BAIAP2: variants seen among roughly 807,000 people sequenced by gnomAD.
The protein encoded by BAIAP2 is BAR/IMD domain-containing adapter protein 2.
Under a neutral mutation model 63.0 loss-of-function variants are expected in BAIAP2, and 18 were observed. The observed-to-expected ratio is 0.29, with a 90% CI of 0.20 to 0.42. The LOEUF is 0.42. BAIAP2 is among the 10% of genes least tolerant of loss of function. The probability of loss-of-function intolerance (pLI) is 1.00; values close to 1 mark genes in which losing one functional copy is unlikely to be tolerated. For synonymous variants in BAIAP2, 386 were observed against 307.6 expected (o/e 1.25, Z -2.67); for missense variants, 610 against 734.3 (o/e 0.83, Z 1.96).
chr17:81,057,860 C>T lies in BAIAP2; in HGVS notation c.131-21C>T, dbSNP rs2049851897. 1.9e-6 allele frequency: 3 copies of T among 1,604,818 alleles called. No individual in the cohort carries two copies. The South Asian group carries it at 3.3e-5, about 18-fold the overall frequency. On this transcript the variant is annotated intron_variant, in intron 2 of 13. Coordinates refer to ENST00000428708, the MANE Select transcript of BAIAP2 (RefSeq NM_001144888.2). ...CTGTCCCTCGTGGAGGAAATAACTG[C>T]TCCCTTTTCTTCTCTCTCAGGTGTG...
rs2058926341 is a variant in BAIAP2, at chr17:81,104,811, G to A, written c.1268+96G>A. 4 of 1,325,820 alleles carry A rather than the reference G, an allele frequency of 3.0e-6. No homozygotes were observed. In the African/African-American group the frequency reaches 5.9e-5, roughly 19 times the overall value. 82.1% of individuals were successfully genotyped at this position (1,325,820 alleles called of 1,614,324 possible). ...AGTGCACTGAGACCTTGTGTTTAGAGTGGCTGTGCAGGTTGCGGGTCCTCG... is the reference window on the plus strand; with the variant it reads ...AGTGCACTGAGACCTTGTGTTTAGAATGGCTGTGCAGGTTGCGGGTCCTCG... On this transcript the variant is annotated intron_variant, in intron 10 of 13. Transcript: ENST00000428708.
intron 7 of BAIAP2, 56 bp downstream of exon 7, chr17:81,100,136 C>A: frequency 1.9e-6 from 3 of 1,553,796 alleles, no homozygotes; most frequent in Non-Finnish European, 2.6e-6. Flanking sequence ...GCAGAAATGA[C>A]CCAGGCCCCT....
Position 81,108,461 on chromosome 17 carries a change from G to A in BAIAP2, c.1501-14G>A. On this transcript the variant is annotated splice_polypyrimidine_tract_variant and intron_variant, in intron 12 of 13. Coordinates refer to ENST00000428708, the MANE Select transcript of BAIAP2 (RefSeq NM_001144888.2). Reference sequence around the variant, plus strand: ...CCGTCACCCGGCCTGACATGTTTCTGCCTCTGCCCCCAGGGCCTGGATGAC... The same window carrying A: ...CCGTCACCCGGCCTGACATGTTTCTACCTCTGCCCCCAGGGCCTGGATGAC... 9.3e-6 allele frequency: 15 copies of A among 1,613,712 alleles called. No individual in the cohort carries two copies. Among genetic ancestry groups the A allele is most frequent in the Non-Finnish European group, 1.2e-5 (14 of 1,179,996 alleles).
At chr17:81,108,884 G>T in intron 13 of BAIAP2, 2 of 1,500,022 alleles carry the variant, frequency 1.3e-6, no homozygotes, top group Non-Finnish European at 8.9e-7. Context: ...GCTGAAAGGG[G>T]CATTGCTCGG....
intron 7 of BAIAP2, among the ~76,000 whole-genome samples, chr17:81,102,138 G>A (rs1443472568): frequency 9.0e-6 from 1 of 111,290 alleles, no homozygotes. Flanking sequence ...GAAGAGGCCT[G>A]TGTCCCACAG....
intron 7 of BAIAP2, among the ~76,000 whole-genome samples, chr17:81,102,536 C>G (rs989534537): frequency 3.9e-5 from 6 of 152,250 alleles, no homozygotes; most frequent in African/African-American, 1.2e-4. Flanking sequence ...CGATGCACAG[C>G]TGTGTTGCAA....
chr17:81,043,630 C>T (rs1433349615), intron 1 of BAIAP2, among the ~76,000 whole-genome samples: 1 of 152,226 alleles, frequency 6.6e-6, no homozygotes, highest in African/African-American at 2.4e-5. Context: ...CCGGGAGGCC[C>T]TGCCACTGTG....
At position 81,100,063 on chromosome 17, in the gene BAIAP2, G is replaced by A. The variant is rs745515587; in HGVS notation, c.625G>A (p.Ala209Thr). ...GCAGTGCGCCGTGGCCAAGAACTCC[G>A]CGGCCTACCACTCCAAGGTGAGGCG... ...EKQCAVAKNS[A>T]AYHSKGKELL... Residue 209 changes from alanine to threonine, a missense_variant, in exon 7 of 14, where the codon GCG (alanine) becomes ACG (threonine). Around this residue, in one of 5 missense-constraint regions of BAIAP2, gnomAD observed 389 missense variants for 455.6 expected, o/e 0.85. Transcript: ENST00000428708. The A allele has an allele frequency of 1.1e-5, 18 of 1,611,178 alleles. No individual in the cohort carries two copies. Among genetic ancestry groups the A allele is most frequent in the Admixed American group, 8.3e-5 (5 of 59,974 alleles).
intron 13 of BAIAP2, chr17:81,109,003 G>A (rs1328660970): frequency 3.9e-6 from 6 of 1,546,146 alleles, no homozygotes; most frequent in Non-Finnish European, 8.7e-7. Flanking sequence ...GTGTGAGGAC[G>A]CTGACCCCGG....
chr17:81,057,395 G>A (rs2049772494), intron 2 of BAIAP2: 1 of 153,070 alleles, frequency 6.5e-6, no homozygotes, highest in Admixed American at 6.5e-5. Context: ...AGCCTCCTTT[G>A]ATCAGCTGTG....
chr17:81,053,376 T>A, intron 1 of BAIAP2: 2 of 438,992 alleles, frequency 4.6e-6, no homozygotes, highest in Non-Finnish European at 8.3e-6. Flanking sequence ...GTATTCTGCC[T>A]GCTGCACCAT....
At chr17:81,086,963 C>CA (rs1722013950) in intron 6 of BAIAP2, 2 of 194,096 alleles carry the variant, frequency 1.0e-5, no homozygotes, top group South Asian at 2.1e-4. Flanking sequence ...GGTGGTACTT[C>CA]AGGTTCCTCG....
In BAIAP2 at chr17:81,103,665, A is replaced by G; in HGVS notation, c.806A>G (p.Asp269Gly). 1.3e-6 allele frequency: 2 copies of G among 1,597,866 alleles called. No homozygotes were observed. The highest frequency in any genetic ancestry group is 1.7e-5 in the Admixed American group (1 of 59,192). Residue 269 changes from aspartate to glycine, a missense_variant, in exon 8 of 14, where the codon GAC becomes GGC. Asp to Gly is a moderately conservative substitution (Grantham distance 94). Coordinates refer to ENST00000428708, the MANE Select transcript of BAIAP2 (RefSeq NM_001144888.2). ...TCCAAGTCCAACCTGGTCATTTCCG[A>G]CCCCATTCCGGGGGCCAAGCCCCTG... ...SASKSNLVISDPIPGAKPLPV... is the reference protein window; with the variant it reads ...SASKSNLVISGPIPGAKPLPV...
intron 1 of BAIAP2, among the ~76,000 whole-genome samples, chr17:81,050,057 G>A (rs1439581296): frequency 6.6e-6 from 1 of 152,232 alleles, no homozygotes; most frequent in Admixed American, 6.5e-5. Flanking sequence ...GGCTCCTCCC[G>A]TGGTTCCTGG....
intron 1 of BAIAP2, among the ~76,000 whole-genome samples, chr17:81,037,650 T>TC (rs2046464716): frequency 6.6e-6 from 1 of 152,218 alleles, no homozygotes; most frequent in Non-Finnish European, 1.5e-5. Flanking sequence ...TGGCATCCCT[T>TC]CCCGGGGCCG....
chr17:81,036,515 C>T (rs140885311), intron 1 of BAIAP2, among the ~76,000 whole-genome samples: 312 of 152,348 alleles, frequency 2.0e-3, no homozygotes, highest in African/African-American at 7.2e-3. Context: ...TCAGGGGTGG[C>T]CCCTCTGGTT....
intron 7 of BAIAP2, among the ~76,000 whole-genome samples, chr17:81,101,058 TC>T (rs1568171184): frequency 1.3e-5 from 2 of 151,004 alleles, no homozygotes; most frequent in Admixed American, 6.6e-5. Flanking sequence ...CCCGGCACAG[TC>T]CTGCGGCCCT....
chr17:81,108,160 C>T, intron 12 of BAIAP2: 1 of 461,014 alleles, frequency 2.2e-6, no homozygotes, highest in East Asian at 3.8e-5. Flanking sequence ...GCCTCGGCTC[C>T]CTGGGGGCAG....
intron 7 of BAIAP2, among the ~76,000 whole-genome samples, chr17:81,101,871 G>C (rs1255990467): frequency 6.6e-6 from 1 of 152,210 alleles, no homozygotes; most frequent in Non-Finnish European, 1.5e-5. Context: ...CTGCCAGGCA[G>C]GGAGCGCTGT....
Sources: gnomAD v4.1 joint callset for allele counts (sites outside exome capture counted in the v4.1 genomes callset) on GRCh38, gnomAD v4.1.1 for gene constraint, gnomAD v4.1.1 regional missense constraint, MANE v1.5 for transcripts, NCBI Gene and HGNC (gene_info 2026-07-23, HGNC 2026-07-21) for gene names.